The following RSAD1 variants were observed in gnomAD, a reference collection of about 807,000 sequenced individuals.
The protein encoded by RSAD1 is radical S-adenosyl methionine domain containing 1.
In RSAD1, 34 loss-of-function variants were observed where a neutral mutation model predicts 46.2. The ratio of observed to expected loss-of-function variants is 0.74; its 90% CI spans 0.56 to 0.98. The LOEUF is 0.98. Ranked by LOEUF, RSAD1 falls within the 50% of genes least tolerant of loss-of-function variation. The probability of loss-of-function intolerance (pLI) is 0.00; values close to 1 mark genes in which losing one functional copy is unlikely to be tolerated. For synonymous variants in RSAD1, 260 were observed against 253.5 expected (o/e 1.03, Z -0.24); for missense variants, 635 against 592.3 (o/e 1.07, Z -0.75).
chr17:50,482,410 G>A lies in RSAD1; in HGVS notation c.794G>A (p.Arg265Gln), dbSNP rs551405886. 1.7e-5 allele frequency: 27 copies of A among 1,589,716 alleles called. No homozygotes were observed. The highest frequency in any genetic ancestry group is 4.0e-5 in the African/African-American group (3 of 74,418). ...EMYQRGRAVL[R>Q]EAGFHQYEVS... ...TACCAGAGGGGCCGGGCTGTCCTTC[G>A]GGAGGCTGGCTTCCACCAGTATGAG... The change falls in exon 4 of 9, where the codon CGG (arginine) becomes CAG (glutamine). Residue 265 changes from arginine to glutamine, a missense_variant. Arg to Gln is a conservative substitution (Grantham distance 43). Coordinates refer to ENST00000258955, the MANE Select transcript of RSAD1 (RefSeq NM_018346.3).
intron 6 of RSAD1, 87 bp from the exon 7 acceptor site, chr17:50,483,616 GCCT>G: frequency 1.3e-6 from 2 of 1,593,966 alleles, no homozygotes; most frequent in Non-Finnish European, 1.7e-6. Context: ...GTCCCTGTTA[GCCT>G]CCTCTAAATG....
At chr17:50,483,847 A>G (rs1227472695) in intron 7 of RSAD1, 87 bp downstream of exon 7, 1 of 1,260,770 alleles carries the variant, frequency 7.9e-7, no homozygotes, top group Non-Finnish European at 1.1e-6. Flanking sequence ...CCACACACAT[A>G]TACCTCCAAT....
intron 1 of RSAD1, 27 bp downstream of exon 1, chr17:50,479,046 C>A (rs1308055172): frequency 9.9e-6 from 13 of 1,312,480 alleles, no homozygotes; most frequent in East Asian, 3.1e-5. Flanking sequence ...GCGGAGCCCA[C>A]GGTGTGTGGC....
Position 50,484,806 on chromosome 17 carries a change from C to T in RSAD1, c.1274C>T (p.Pro425Leu). Residue 425 changes from proline (P) to leucine (L), a missense_variant, in exon 9 of 9, where the codon CCT becomes CTT. By Grantham distance (98) the Pro-to-Leu change is moderately conservative. Transcript: ENST00000258955. ...VLDSLLLTLL[P>L]QLQEAWQQRT... ...GACTCTCTCTTGCTGACCCTCCTGC[C>T]TCAGCTCCAAGAAGCCTGGCAGCAG... is the stretch of plus-strand genomic sequence containing the variant. The T allele has an allele frequency of 1.2e-6, 2 of 1,614,084 alleles. No individual in the cohort carries two copies. The highest frequency in any genetic ancestry group is 1.7e-6 in the Non-Finnish European group (2 of 1,180,000).
At chr17:50,479,337 A>C (rs1219501935) in intron 1 of RSAD1, 1 of 494,688 alleles carries the variant, frequency 2.0e-6, no homozygotes, top group African/African-American at 2.0e-5. Flanking sequence ...GGCTCATAGG[A>C]AAATTGTATG....
chr17:50,482,568 A>C (rs1227710608), intron 4 of RSAD1, 75 bp from the exon 5 acceptor site: 1 of 1,612,824 alleles, frequency 6.2e-7, no homozygotes, highest in Admixed American at 1.7e-5. Context: ...GGACATTCTA[A>C]CCTGGGGCCC....
chr17:50,478,999 C>G lies in RSAD1; in HGVS notation c.115C>G (p.Arg39Gly). 1 of 1,372,654 alleles carries G rather than the reference C, an allele frequency of 7.3e-7. No homozygotes were observed. The highest frequency in any genetic ancestry group is 9.4e-7 in the Non-Finnish European group (1 of 1,068,910). The allele number at this position is 1,372,654 out of a possible 1,614,324, so 85.0% of individuals were successfully genotyped here. ...GSPSPEPAGR[R>G]AALYVHWPYC... The stretch of plus-strand genomic sequence containing the variant: ...CCCGAGTCCTGAGCCTGCGGGCCGG[C>G]GCGCGGCGCTTTACGTACACGTGAG... Residue 39 changes from arginine (R) to glycine (G), a missense_variant, in exon 1 of 9, where the codon CGC becomes GGC. Transcript: ENST00000258955.
chr17:50,483,353 A>T lies in RSAD1; in HGVS notation c.918A>T (p.Arg306=), dbSNP rs751764287. 4 of 1,613,984 alleles carry T rather than the reference A, an allele frequency of 2.5e-6. No homozygotes were observed. The Admixed American group carries it at 6.7e-5, about 27-fold the overall frequency. ...TGATGTTGTCAGGGGCCCATGGACGATTTATGCCCCAGGGGGCTGGAGGCC... is the reference window on the plus strand; with the variant it reads ...TGATGTTGTCAGGGGCCCATGGACGTTTTATGCCCCAGGGGGCTGGAGGCC... ...YLGVGPGAHG[R]FMPQGAGGHT... is the part of the protein sequence containing the mutation. The change falls in exon 6 of 9, where the codon CGA becomes CGT. Residue 306 remains arginine, a synonymous_variant. Coordinates refer to ENST00000258955, the MANE Select transcript of RSAD1 (RefSeq NM_018346.3).
chr17:50,482,401 CT>C lies in RSAD1; in HGVS notation c.786del (p.Val263SerfsTer68), dbSNP rs1365758894. ...LAAEMYQRGR[A>X]VLREAGFHQY... ...GCTGAGATGTACCAGAGGGGCCGGG[CT>C]GTCCTTCGGGAGGCTGGCTTCCACC... On this transcript the variant is annotated frameshift_variant, in exon 4 of 9. Coordinates refer to ENST00000258955, the MANE Select transcript of RSAD1 (RefSeq NM_018346.3). LOFTEE classifies it high-confidence loss of function. 6.3e-7 allele frequency: 1 copy of C among 1,595,520 alleles called. No homozygotes were observed. The highest frequency in any genetic ancestry group is 2.2e-5 in the East Asian group (1 of 44,804).
chr17:50,481,932 G>A (rs2033383857), intron 3 of RSAD1, among the ~76,000 whole-genome samples, 159 bp from the exon 4 acceptor site: 1 of 152,210 alleles, frequency 6.6e-6, no homozygotes, highest in Admixed American at 6.5e-5. Flanking sequence ...CGACCCTTCT[G>A]TGAATGGCAG....
In RSAD1 at chr17:50,484,518, A is replaced by C. The variant is rs750382800; in HGVS notation, c.1184A>C (p.Glu395Ala). The C allele has an allele frequency of 1.2e-6, 2 of 1,613,404 alleles. No individual in the cohort carries two copies. Among genetic ancestry groups the C allele is most frequent in the African/African-American group, 2.7e-5 (2 of 74,922 alleles). The change falls in exon 8 of 9, where the codon GAG becomes GCG. Residue 395 changes from glutamate (E) to alanine (A), a missense_variant. Transcript: ENST00000258955. ...GANKEVQELL[E>A]RGLLQLDHRG... ...AACAAGGAGGTGCAGGAGCTGCTGG[A>C]GCGGGGCCTACTGCAGCTGGATCAC...
At chr17:50,481,635 A>C (rs987799793) in intron 3 of RSAD1, among the ~76,000 whole-genome samples, 1 of 152,248 alleles carries the variant, frequency 6.6e-6, no homozygotes, top group Non-Finnish European at 1.5e-5. Flanking sequence ...TGTATGTTTA[A>C]AGAGAAACAA....
chr17:50,485,034 G>T lies in RSAD1; in HGVS notation c.*173G>T. ...TGAGGTAGATGGGAGGACATTTCTGGTCAGGGAACTGGCATCCCATTCAGC... is the reference window on the plus strand; with the variant it reads ...TGAGGTAGATGGGAGGACATTTCTGTTCAGGGAACTGGCATCCCATTCAGC... On this transcript the variant is annotated 3_prime_UTR_variant, in exon 9 of 9. Coordinates refer to ENST00000258955, the MANE Select transcript of RSAD1 (RefSeq NM_018346.3). 1 of 599,320 alleles carries T rather than the reference G, an allele frequency of 1.7e-6. No individual in the cohort carries two copies. The allele number at this position is 599,320 out of a possible 1,614,324, so 37.1% of individuals were successfully genotyped here.
At chr17:50,484,659 G>A (rs936945043) in intron 8 of RSAD1, 85 bp from the exon 9 acceptor site, 19 of 1,512,824 alleles carry the variant, frequency 1.3e-5, no homozygotes, top group Admixed American at 3.4e-5. Context: ...CGGGACCTGC[G>A]GGTGCTGGGA....
intron 3 of RSAD1, 73 bp from the exon 4 acceptor site, chr17:50,482,018 G>A (rs1374186430): frequency 1.4e-6 from 2 of 1,462,038 alleles, no homozygotes; most frequent in African/African-American, 2.9e-5. Flanking sequence ...CTGTATCTGT[G>A]TCTACAATGG....
At chr17:50,481,423 A>G (rs1332978052) in intron 3 of RSAD1, among the ~76,000 whole-genome samples, 1 of 152,266 alleles carries the variant, frequency 6.6e-6, no homozygotes, top group African/African-American at 2.4e-5. Context: ...GCTATTCAAT[A>G]TAGTGGCCAC....
chr17:50,483,817 C>A, intron 7 of RSAD1, 57 bp downstream of exon 7: 1 of 1,493,526 alleles, frequency 6.7e-7, no homozygotes, highest in Non-Finnish European at 9.1e-7. Flanking sequence ...AGAATCAATG[C>A]CCCCTCCCTG....
At position 50,482,317 on chromosome 17, in the gene RSAD1, C is replaced by A; in HGVS notation, c.701C>A (p.Thr234Asn). 1 of 1,611,780 alleles carries A rather than the reference C, an allele frequency of 6.2e-7. No homozygotes were observed. The highest frequency in any genetic ancestry group is 8.5e-7 in the Non-Finnish European group (1 of 1,178,768). The stretch of plus-strand genomic sequence containing the variant: ...TACCAGCTGTCCCTGGAGCGGGGCA[C>A]CGCACTCTTCGCCCAGGTGCAGCGG... ...SLYQLSLERG[T>N]ALFAQVQRGA... Residue 234 changes from threonine (T) to asparagine (N), a missense_variant, in exon 4 of 9, where the codon ACC (threonine) becomes AAC (asparagine). Transcript: ENST00000258955.
In RSAD1 at chr17:50,478,956, G is replaced by A; in HGVS notation, c.72G>A (p.Val24=). ...AARAAQRRRR[V]ENAGGSPSPE... ...GAGCGGCCCAGAGGCGCCGCCGCGT[G>A]GAGAACGCAGGAGGGTCCCCGAGTC... Residue 24 remains valine (V), a synonymous_variant, in exon 1 of 9, where the codon GTG becomes GTA. Transcript: ENST00000258955. 7.2e-7 allele frequency: 1 copy of A among 1,394,350 alleles called. No individual in the cohort carries two copies. Among genetic ancestry groups the A allele is most frequent in the Non-Finnish European group, 9.3e-7 (1 of 1,079,870 alleles). The allele number at this position is 1,394,350 out of a possible 1,614,324, so 86.4% of individuals were successfully genotyped here. A position where few individuals can be genotyped will look rare whatever the true frequency, so the allele number is the denominator to read the frequency against.
Sources: gnomAD v4.1 joint callset for allele counts (sites outside exome capture counted in the v4.1 genomes callset) on GRCh38, gnomAD v4.1.1 for gene constraint, MANE v1.5 for transcripts, NCBI Gene and HGNC (gene_info 2026-07-23, HGNC 2026-07-21) for gene names.